The following FNTA variants were observed in gnomAD, a reference collection of about 807,000 sequenced individuals.
The protein encoded by FNTA is farnesyltransferase, CAAX box, subunit alpha.
FNTA carries 27 observed loss-of-function variants against 55.2 expected under a neutral mutation model. The ratio of observed to expected loss-of-function variants is 0.49; its 90% CI spans 0.36 to 0.67. The LOEUF (loss-of-function observed/expected upper bound fraction) is 0.67, where lower values mean the gene tolerates loss of function less well. Ranked by LOEUF, FNTA falls within the 30% of genes least tolerant of loss-of-function variation. The pLI is 0.00. For synonymous variants in FNTA, 176 were observed against 170.7 expected (o/e 1.03, Z -0.24); for missense variants, 422 against 464.7 (o/e 0.91, Z 0.85).
chr8:43,080,681 A>G (rs187205087), intron 6 of FNTA: 5 of 152,346 alleles, frequency 3.3e-5, no homozygotes, highest in South Asian at 2.1e-4. Context: ...TAAAAATACA[A>G]TTATTTCATT....
chr8:43,078,270 A>C (rs1349700968), intron 6 of FNTA: 2 of 151,744 alleles, frequency 1.3e-5, no homozygotes, highest in Non-Finnish European at 2.9e-5. Context: ...CTTTTTTTCT[A>C]GTGCTCTCCT....
intron 1 of FNTA, 72 bp downstream of exon 1, chr8:43,056,618 C>G: frequency 9.7e-7 from 1 of 1,033,780 alleles, no homozygotes; most frequent in Non-Finnish European, 1.2e-6. Context: ...CCGCGGCGCG[C>G]GCTTCCGGCC....
chr8:43,075,248 A>C (rs1810883808), intron 5 of FNTA, among the ~76,000 whole-genome samples: 2 of 152,208 alleles, frequency 1.3e-5, no homozygotes, highest in African/African-American at 4.8e-5. Context: ...CAGTGCCCAC[A>C]CTAGGCACTA....
At chr8:43,074,106 T>C (rs960166721) in intron 5 of FNTA, among the ~76,000 whole-genome samples, 2 of 152,226 alleles carry the variant, frequency 1.3e-5, no homozygotes, top group Non-Finnish European at 2.9e-5. Context: ...GCATTGACTG[T>C]ACTAGAGCTT....
chr8:43,083,062 T>C, intron 6 of FNTA, 56 bp from the exon 7 acceptor site: 5 of 1,015,930 alleles, frequency 4.9e-6, no homozygotes, highest in Non-Finnish European at 7.3e-6. Context: ...AAAAAAAAAC[T>C]GTGTCTCATC....
chr8:43,075,309 C>T (rs1394873808), intron 5 of FNTA, among the ~76,000 whole-genome samples: 2 of 152,042 alleles, frequency 1.3e-5, no homozygotes, highest in East Asian at 3.9e-4. Flanking sequence ...TTCCTTAATG[C>T]GTTTATTTTT....
At chr8:43,064,362 A>C (rs2130547462) in intron 3 of FNTA, 147 bp downstream of exon 3, 1 of 564,496 alleles carries the variant, frequency 1.8e-6, no homozygotes. Context: ...CCCAGGCTGG[A>C]GTATAACTGG....
intron 2 of FNTA, among the ~76,000 whole-genome samples, chr8:43,059,509 T>C (rs1053561832): frequency 5.9e-5 from 9 of 152,226 alleles, no homozygotes; most frequent in Non-Finnish European, 1.3e-4. Flanking sequence ...AATGAGTTAC[T>C]GTTTTTAGAA....
intron 3 of FNTA, among the ~76,000 whole-genome samples, chr8:43,068,213 C>T (rs776858436): frequency 1.3e-5 from 2 of 152,144 alleles, no homozygotes; most frequent in Non-Finnish European, 2.9e-5. Context: ...GGTTTTGCCA[C>T]GTTGGCCAGG....
chr8:43,075,974 TC>T (rs1388224396), intron 5 of FNTA, among the ~76,000 whole-genome samples: 6 of 151,702 alleles, frequency 4.0e-5, no homozygotes, highest in African/African-American at 1.5e-4. Flanking sequence ...GCTCAAGTGA[TC>T]CTCTTCAGCC....
At chr8:43,079,735 C>G (rs1178863812) in intron 6 of FNTA, 2 of 152,162 alleles carry the variant, frequency 1.3e-5, no homozygotes, top group Non-Finnish European at 1.5e-5. Flanking sequence ...GATAGTGATT[C>G]CTCCAATGAA....
At chr8:43,079,482 G>T in intron 6 of FNTA, 2 of 152,682 alleles carry the variant, frequency 1.3e-5, no homozygotes, top group South Asian at 3.6e-4. Context: ...TTTACAGCAT[G>T]GTTTACTGAA....
rs747533384 is a variant in FNTA, at chr8:43,084,875, A to G, written c.1011A>G (p.Ala337=). 3.1e-6 allele frequency: 5 copies of G among 1,613,738 alleles called. No individual in the cohort carries two copies. Among genetic ancestry groups the G allele is most frequent in the Non-Finnish European group, 4.2e-6 (5 of 1,179,872 alleles). Residue 337 remains alanine, a synonymous_variant, in exon 8 of 9, where the codon GCA becomes GCG. Coordinates refer to ENST00000302279, the MANE Select transcript of FNTA (RefSeq NM_002027.3). ...ATAAGGAAGACATTCTTAATAAAGC[A>G]TTAGAGGTAAGCTGGTGGGGCTCAG... ...CDNKEDILNK[A]LELCEILAKE... is the part of the protein sequence containing the mutation.
chr8:43,062,324 C>T (rs983420409), intron 2 of FNTA, among the ~76,000 whole-genome samples: 1 of 151,850 alleles, frequency 6.6e-6, no homozygotes, highest in Non-Finnish European at 1.5e-5. Flanking sequence ...TCTTGTTGCA[C>T]AGGCTGGAGT....
At chr8:43,066,233 G>A (rs571216033) in intron 3 of FNTA, among the ~76,000 whole-genome samples, 9 of 147,550 alleles carry the variant, frequency 6.1e-5, no homozygotes, top group Admixed American at 2.7e-4. Context: ...TTTAATTTGG[G>A]GGAGCTGTTT....
chr8:43,057,092 A>G (rs1810425827), intron 1 of FNTA: 1 of 152,150 alleles, frequency 6.6e-6, no homozygotes, highest in South Asian at 2.1e-4. Flanking sequence ...CTGAAAAGAG[A>G]TTTGCTACTG....
At chr8:43,074,273 C>T (rs1461593227) in intron 5 of FNTA, among the ~76,000 whole-genome samples, 3 of 152,152 alleles carry the variant, frequency 2.0e-5, no homozygotes, top group African/African-American at 7.2e-5. Context: ...CCTGTAATCC[C>T]AACACTTTGG....
chr8:43,084,127 A>G (rs1811077221), intron 7 of FNTA, among the ~76,000 whole-genome samples: 2 of 148,870 alleles, frequency 1.3e-5, no homozygotes, highest in Non-Finnish European at 3.0e-5. Context: ...TTTTAAGATG[A>G]TTTATTTTGT....
chr8:43,061,252 C>A (rs995748342), intron 2 of FNTA, among the ~76,000 whole-genome samples: 1 of 152,178 alleles, frequency 6.6e-6, no homozygotes, highest in African/African-American at 2.4e-5. Context: ...TGGGTTCATT[C>A]TGGCACATGG....
Sources: allele counts gnomAD v4.1 joint callset (sites outside exome capture counted in the v4.1 genomes callset), GRCh38; gene constraint gnomAD v4.1.1; transcripts MANE v1.5; gene names NCBI Gene and HGNC (gene_info 2026-07-23, HGNC 2026-07-21).